SSBP3: variants seen among roughly 807,000 people sequenced by gnomAD.
SSBP3 encodes the protein single-stranded DNA-binding protein 3.
A neutral mutation model predicts 69.6 loss-of-function variants in SSBP3; 5 were observed. The ratio of observed to expected loss-of-function variants is 0.07; its 90% CI spans 0.04 to 0.15. The LOEUF is 0.15. SSBP3 is among the 10% of genes least tolerant of loss of function. SSBP3 has a pLI of 1.00. For synonymous variants in SSBP3, 196 were observed against 193.4 expected (o/e 1.01, Z -0.11); for missense variants, 312 against 534.0 (o/e 0.58, Z 4.10).
At chr1:54,363,200 C>T (rs1172052954) in intron 4 of SSBP3, among the ~76,000 whole-genome samples, 2 of 152,162 alleles carry the variant, frequency 1.3e-5, no homozygotes, top group Admixed American at 6.5e-5. Flanking sequence ...ATGACAGACA[C>T]TGCTCATCAC....
Position 54,362,959 on chromosome 1 carries a change from G to C in SSBP3, c.276+38902C>G, listed in dbSNP as rs72665946. Among the ~76,000 whole-genome samples, 255 of 152,204 alleles carry C rather than the reference G, an allele frequency of 1.7e-3. 1 individual carries two copies. The highest frequency in any genetic ancestry group is 3.4e-3 in the Middle Eastern group (1 of 294). On this transcript the variant is annotated intron_variant, in intron 4 of 17. Coordinates refer to ENST00000610401, the Ensembl canonical transcript of SSBP3. Reference sequence around the variant, plus strand: ...GCCTGGGAGATGAACTGTCTCACGGGGGGCGGGGCAGAGGGATACTTAGAC... The same window carrying C: ...GCCTGGGAGATGAACTGTCTCACGGCGGGCGGGGCAGAGGGATACTTAGAC...
At chr1:54,351,898 T>A (rs1308900505) in intron 4 of SSBP3, among the ~76,000 whole-genome samples, 1 of 152,062 alleles carries the variant, frequency 6.6e-6, no homozygotes, top group Non-Finnish European at 1.5e-5. Context: ...CATCCAAACA[T>A]CTGTATGTTT....
chr1:54,361,605 G>T (rs1404418205), intron 4 of SSBP3, among the ~76,000 whole-genome samples: 1 of 152,182 alleles, frequency 6.6e-6, no homozygotes, highest in Non-Finnish European at 1.5e-5. Flanking sequence ...GCCTCAGAGA[G>T]GAGGTGCGGA....
intron 7 of SSBP3, among the ~76,000 whole-genome samples, chr1:54,254,981 C>T (rs1382846602): frequency 6.6e-6 from 1 of 152,098 alleles, no homozygotes; most frequent in African/African-American, 2.4e-5. Context: ...TACAGGCACA[C>T]GCCAGCATGC....
At chr1:54,342,058 G>A (rs1039896518) in intron 4 of SSBP3, among the ~76,000 whole-genome samples, 1 of 152,226 alleles carries the variant, frequency 6.6e-6, no homozygotes, top group Admixed American at 6.5e-5. Context: ...GTAAGGCCAC[G>A]CGCAGAGGGA....
In SSBP3 at chr1:54,399,556, G is replaced by A. The variant is rs796311967; in HGVS notation, c.276+2305C>T. On this transcript the variant is annotated intron_variant, in intron 4 of 17. Coordinates refer to ENST00000610401, the Ensembl canonical transcript of SSBP3. ...GGTTTTTATAGATATGGAGATGAAGGCGTGATCACAGAATGCAGAAAACTA... is the reference window on the plus strand; with the variant it reads ...GGTTTTTATAGATATGGAGATGAAGACGTGATCACAGAATGCAGAAAACTA... Among the ~76,000 whole-genome samples, 27 of 152,300 alleles carry A rather than the reference G, an allele frequency of 1.8e-4. 1 individual carries two copies. Among genetic ancestry groups the A allele is most frequent in the African/African-American group, 6.3e-4 (26 of 41,558 alleles).
chr1:54,239,097 C>G, intron 14 of SSBP3, 32 bp downstream of exon 14: 3 of 1,575,640 alleles, frequency 1.9e-6, no homozygotes, highest in Non-Finnish European at 2.6e-6. Context: ...GTTATGGTGT[C>G]TGATATGTAA....
intron 4 of SSBP3, among the ~76,000 whole-genome samples, chr1:54,299,338 C>T (rs775270431): frequency 3.9e-5 from 6 of 152,272 alleles, no homozygotes; most frequent in South Asian, 2.1e-4. Context: ...GCGGCAGTCA[C>T]GGGGGCGTGC....
Position 54,284,180 on chromosome 1 carries a change from C to T in SSBP3, c.277-2653G>A, listed in dbSNP as rs182530186. Among the ~76,000 whole-genome samples the T allele has an allele frequency of 2.7e-5, 4 of 148,298 alleles. No homozygotes were observed. In the East Asian group the frequency reaches 8.0e-4, roughly 30 times the overall value. ...CCAGGCTGGCTTCATGTGATCCTCC[C>T]ACCTCAGCTTCCCAAAGTGCTGGAA... On this transcript the variant is annotated intron_variant, in intron 4 of 17. Coordinates refer to ENST00000610401, the Ensembl canonical transcript of SSBP3.
intron 4 of SSBP3, among the ~76,000 whole-genome samples, chr1:54,318,917 G>T (rs528605170): frequency 6.6e-6 from 1 of 152,302 alleles, no homozygotes; most frequent in Non-Finnish European, 1.5e-5. Context: ...ACCTTTCCCT[G>T]CTATGATTTC....
chr1:54,382,883 G>A (rs952746163), intron 4 of SSBP3, among the ~76,000 whole-genome samples: 5 of 151,532 alleles, frequency 3.3e-5, no homozygotes, highest in Non-Finnish European at 5.9e-5. Flanking sequence ...TACCCAGGAG[G>A]CTAAGGCAGG....
At chr1:54,276,359 T>C (rs900269115) in intron 5 of SSBP3, among the ~76,000 whole-genome samples, 1 of 151,982 alleles carries the variant, frequency 6.6e-6, no homozygotes, top group South Asian at 2.1e-4. Context: ...AGGCCTGTAA[T>C]CCCAGCCTGA....
intron 9 of SSBP3, among the ~76,000 whole-genome samples, chr1:54,247,645 A>G (rs1644756835): frequency 6.6e-6 from 1 of 152,058 alleles, no homozygotes; most frequent in Non-Finnish European, 1.5e-5. Context: ...CAGGATAATG[A>G]CCTGATTCTA....
intron 4 of SSBP3, among the ~76,000 whole-genome samples, chr1:54,386,577 G>A (rs1172678211): frequency 6.6e-6 from 1 of 150,596 alleles, no homozygotes; most frequent in Non-Finnish European, 1.5e-5. Flanking sequence ...GCATCCGCCA[G>A]AAAAACAAAG....
At chr1:54,410,214 G>A (rs1649955434), upstream of SSBP3, among the ~76,000 whole-genome samples, 1 of 152,236 alleles carries the variant, frequency 6.6e-6, no homozygotes, top group Admixed American at 6.5e-5. Context: ...AGTGAAGACG[G>A]AGAGGTGAAT....
At chr1:54,322,176 C>T (rs1387708887) in intron 4 of SSBP3, among the ~76,000 whole-genome samples, 1 of 152,186 alleles carries the variant, frequency 6.6e-6, no homozygotes, top group South Asian at 2.1e-4. Context: ...CTTGTCCCTT[C>T]CTGGCTGCTG....
At chr1:54,319,319 T>C (rs1646171885) in intron 4 of SSBP3, among the ~76,000 whole-genome samples, 1 of 151,984 alleles carries the variant, frequency 6.6e-6, no homozygotes, top group East Asian at 1.9e-4. Flanking sequence ...GGTCACCTTC[T>C]CCCCACCCTC....
chr1:54,315,686 G>C (rs1211945389), intron 4 of SSBP3, among the ~76,000 whole-genome samples: 2 of 151,518 alleles, frequency 1.3e-5, no homozygotes, highest in Non-Finnish European at 2.9e-5. Context: ...TAAAGACAGG[G>C]TCTCTTGCTC....
At chr1:54,413,369 A>G (rs531412305) in exon 1 of SSBP3, 1 of 152,368 alleles carries the variant, frequency 6.6e-6, no homozygotes, top group Non-Finnish European at 1.5e-5. Context: ...TCTGCAGTCA[A>G]CTGGGCAGCT....
Sources: allele counts gnomAD v4.1 joint callset (sites outside exome capture counted in the v4.1 genomes callset), GRCh38; gene constraint gnomAD v4.1.1; transcripts MANE v1.5; gene names NCBI Gene and HGNC (gene_info 2026-07-23, HGNC 2026-07-21).